Variants in ZNF426 observed in about 807,000 individuals in gnomAD.
ZNF426 encodes zinc finger protein 426, also known as CTC-543D15.7.
In ZNF426, 23 loss-of-function variants were observed where a neutral mutation model predicts 24.0. The observed-to-expected ratio is 0.96, with a 90% CI of 0.69 to 1.36. The LOEUF is 1.36. Ranked by LOEUF, ZNF426 falls within the 40% of genes most tolerant of loss-of-function variation. The pLI, the probability that ZNF426 is intolerant of heterozygous loss-of-function variation, is 0.00. For synonymous variants in ZNF426, 272 were observed against 224.6 expected (o/e 1.21, Z -1.89); for missense variants, 646 against 658.4 (o/e 0.98, Z 0.21).
chr19:9,534,360 C>G (rs2073933427), intron 4 of ZNF426, among the ~76,000 whole-genome samples: 1 of 152,100 alleles, frequency 6.6e-6, no homozygotes. Context: ...CACACGCCAC[C>G]ATGCCCGGCT....
At position 9,527,003 on chromosome 19, in the gene ZNF426, TTG is replaced by T. The variant is rs952325641; in HGVS notation, c.*1375_*1376del. 1.2e-4 allele frequency: 18 copies of T among 152,166 alleles called. No homozygotes were observed. The highest frequency in any genetic ancestry group is 4.3e-4 in the African/African-American group (18 of 41,436). The allele number at this position is 152,166 out of a possible 1,614,324, so 9.4% of individuals were successfully genotyped here. ...AATGTATTAGATTACATATGCTAAT[TTG>T]TGTGTGTTTATAGGCATAAAAGTGA... On this transcript the variant is annotated 3_prime_UTR_variant, in exon 8 of 8. Coordinates refer to ENST00000253115, the MANE Select transcript of ZNF426 (RefSeq NM_024106.3).
chr19:9,532,359 C>G (rs2073899793), intron 6 of ZNF426, among the ~76,000 whole-genome samples: 1 of 143,008 alleles, frequency 7.0e-6, no homozygotes, highest in African/African-American at 2.7e-5. Flanking sequence ...TACAGTGGTG[C>G]AATCACATCT....
At chr19:9,536,119 C>A in intron 3 of ZNF426, 89 bp downstream of exon 3, 2 of 1,565,626 alleles carry the variant, frequency 1.3e-6, no homozygotes, top group South Asian at 1.1e-5. Context: ...AATGAATCAG[C>A]AACATGACCA....
At chr19:9,533,772 G>A (rs1195112139) in intron 5 of ZNF426, 68 bp downstream of exon 5, 2 of 1,597,804 alleles carry the variant, frequency 1.3e-6, no homozygotes, top group African/African-American at 2.7e-5. Flanking sequence ...CATTGCCAAT[G>A]CTGCAAAACA....
In ZNF426 at chr19:9,529,685, C is replaced by T. The variant is rs753738013; in HGVS notation, c.409-49G>A. On this transcript the variant is annotated intron_variant, in intron 7 of 7. Coordinates refer to ENST00000253115, the MANE Select transcript of ZNF426 (RefSeq NM_024106.3). Reference sequence around the variant, plus strand: ...TAAGGATTTTTCTCAAACATATTAACAGAACATACCCATCTGAAGCTAGAA... The same window carrying T: ...TAAGGATTTTTCTCAAACATATTAATAGAACATACCCATCTGAAGCTAGAA... 7 of 1,499,390 alleles carry T rather than the reference C, an allele frequency of 4.7e-6. No homozygotes were observed. The South Asian group carries it at 9.1e-5, about 19-fold the overall frequency. 92.9% of individuals were successfully genotyped at this position (1,499,390 alleles called of 1,614,324 possible).
At chr19:9,530,190 CA>C (rs1419067980) in intron 7 of ZNF426, among the ~76,000 whole-genome samples, 1 of 152,054 alleles carries the variant, frequency 6.6e-6, no homozygotes, top group African/African-American at 2.4e-5. Context: ...CAGTAGCTCA[CA>C]TTTGTAATCC....
At chr19:9,535,889 C>A (rs2073958426) in intron 3 of ZNF426, among the ~76,000 whole-genome samples, 1 of 151,256 alleles carries the variant, frequency 6.6e-6, no homozygotes. Flanking sequence ...TACTACCATA[C>A]AATGCCAGAG....
In ZNF426 at chr19:9,533,973, C is replaced by A; in HGVS notation, c.118-7G>T. On this transcript the variant is annotated splice_polypyrimidine_tract_variant and splice_region_variant and intron_variant, in intron 4 of 7. Transcript: ENST00000253115. ...CGTCAAAGGTCACTGAATCCTAAAG[C>A]ATCACACACATGCTGGTTGGAGCCA... is the stretch of plus-strand genomic sequence containing the variant. The A allele has an allele frequency of 6.2e-7, 1 of 1,611,794 alleles. No individual in the cohort carries two copies. The highest frequency in any genetic ancestry group is 1.7e-4 in the Middle Eastern group (1 of 6,040).
In ZNF426 at chr19:9,523,336, C is replaced by A. The variant is rs930220701; in HGVS notation, c.*5044G>T. ...ATGAGCCTTAAAAGAAGGATCTCCTCCAGGAATCTCTCTTTGCCTTGAAGG... is the reference window on the plus strand; with the variant it reads ...ATGAGCCTTAAAAGAAGGATCTCCTACAGGAATCTCTCTTTGCCTTGAAGG... On this transcript the variant is annotated 3_prime_UTR_variant, in exon 8 of 8. Coordinates refer to ENST00000253115, the MANE Select transcript of ZNF426 (RefSeq NM_024106.3). 11 of 152,126 alleles carry A rather than the reference C, an allele frequency of 7.2e-5. No individual in the cohort carries two copies. Among genetic ancestry groups the A allele is most frequent in the Admixed American group, 2.0e-4 (3 of 15,268 alleles). The allele number at this position is 152,126 out of a possible 1,614,324, so 9.4% of individuals were successfully genotyped here. A position where few individuals can be genotyped will look rare whatever the true frequency, so the allele number is the denominator to read the frequency against.
Position 9,525,612 on chromosome 19 carries a change from A to C in ZNF426, c.*2768T>G, listed in dbSNP as rs185868030. 5 of 150,660 alleles carry C rather than the reference A, an allele frequency of 3.3e-5. No homozygotes were observed. The highest frequency in any genetic ancestry group is 7.4e-5 in the Non-Finnish European group (5 of 67,770). 9.3% of individuals were successfully genotyped at this position (150,660 alleles called of 1,614,324 possible). On this transcript the variant is annotated 3_prime_UTR_variant, in exon 8 of 8. Coordinates refer to ENST00000253115, the MANE Select transcript of ZNF426 (RefSeq NM_024106.3). ...CACCATTCTCCTGCCTCAGCCTCCCAAGTAGCTGGGACTACAGGTGCCCGC... is the reference window on the plus strand; with the variant it reads ...CACCATTCTCCTGCCTCAGCCTCCCCAGTAGCTGGGACTACAGGTGCCCGC...
At chr19:9,531,109 G>A (rs1275715413) in intron 6 of ZNF426, 42 bp from the exon 7 acceptor site, 3 of 1,506,702 alleles carry the variant, frequency 2.0e-6, no homozygotes, top group East Asian at 4.5e-5. Context: ...CTCAAGCTAG[G>A]CACAGTGGCT....
At position 9,523,580 on chromosome 19, in the gene ZNF426, T is replaced by C. The variant is rs1056693430; in HGVS notation, c.*4800A>G. 1.3e-5 allele frequency: 2 copies of C among 152,216 alleles called. No individual in the cohort carries two copies. Among genetic ancestry groups the C allele is most frequent in the African/African-American group, 4.8e-5 (2 of 41,460 alleles). 9.4% of individuals were successfully genotyped at this position (152,216 alleles called of 1,614,324 possible). ...TAATGAGTGGATGGGACATGTGACA[T>C]AATCTAAATCAGTGGTCCCCTAACT... On this transcript the variant is annotated 3_prime_UTR_variant, in exon 8 of 8. Coordinates refer to ENST00000253115, the MANE Select transcript of ZNF426 (RefSeq NM_024106.3).
At position 9,528,437 on chromosome 19, in the gene ZNF426, T is replaced by G; in HGVS notation, c.1608A>C (p.Gln536His). 1 of 1,612,368 alleles carries G rather than the reference T, an allele frequency of 6.2e-7. No individual in the cohort carries two copies. Among genetic ancestry groups the G allele is most frequent in the Non-Finnish European group, 8.5e-7 (1 of 1,179,412 alleles). The change falls in exon 8 of 8, where the codon CAA (glutamine) becomes CAC (histidine). Residue 536 changes from glutamine to histidine, a missense_variant. Coordinates refer to ENST00000253115, the MANE Select transcript of ZNF426 (RefSeq NM_024106.3). ...HTEEKPYKCQ[Q>H]CGKAYSHPRS... Reference sequence around the variant, plus strand: ...GGGGATGACTGTAAGCTTTCCCGCATTGCTGACATTTATAGGGTTTCTCTT... The same window carrying G: ...GGGGATGACTGTAAGCTTTCCCGCAGTGCTGACATTTATAGGGTTTCTCTT...
chr19:9,526,862 G>C lies in ZNF426; in HGVS notation c.*1518C>G, dbSNP rs1222380847. On this transcript the variant is annotated 3_prime_UTR_variant, in exon 8 of 8. Transcript: ENST00000253115. ...GGGGGGAAATGCTTTAAGTATTGAG[G>C]ATCAAGTATAAGAATTACATCCAAC... 1 of 152,040 alleles carries C rather than the reference G, an allele frequency of 6.6e-6. No individual in the cohort carries two copies. Among genetic ancestry groups the C allele is most frequent in the Non-Finnish European group, 1.5e-5 (1 of 68,012 alleles). 9.4% of individuals were successfully genotyped at this position (152,040 alleles called of 1,614,324 possible). A position where few individuals can be genotyped will look rare whatever the true frequency, so the allele number is the denominator to read the frequency against.
chr19:9,537,070 C>G (rs1478368632), intron 2 of ZNF426, among the ~76,000 whole-genome samples: 1 of 151,720 alleles, frequency 6.6e-6, no homozygotes, highest in Non-Finnish European at 1.5e-5. Context: ...ATGGAAGTTG[C>G]AGGGAGCTGA....
chr19:9,532,025 A>G (rs1395327761), intron 6 of ZNF426, among the ~76,000 whole-genome samples: 1 of 152,138 alleles, frequency 6.6e-6, no homozygotes, highest in African/African-American at 2.4e-5. Flanking sequence ...ATTAACTTAA[A>G]GAAATGTTCT....
intron 4 of ZNF426, 51 bp from the exon 5 acceptor site, chr19:9,534,017 G>C (rs114702120): frequency 2.5e-6 from 4 of 1,592,266 alleles, no homozygotes; most frequent in Non-Finnish European, 3.4e-6. Context: ...GCCCATCAGC[G>C]TTCGCTGGAG....
chr19:9,530,882 T>C, intron 7 of ZNF426, 103 bp downstream of exon 7: 1 of 913,142 alleles, frequency 1.1e-6, no homozygotes, highest in South Asian at 1.4e-5. Context: ...CTCATGTGTA[T>C]GCAACTTCTC....
chr19:9,530,807 G>T (rs1195388947), intron 7 of ZNF426, among the ~76,000 whole-genome samples, 178 bp downstream of exon 7: 1 of 152,114 alleles, frequency 6.6e-6, no homozygotes, highest in Non-Finnish European at 1.5e-5. Context: ...ACACTTGTGG[G>T]AATGTGTGAA....
Sources: gnomAD v4.1 joint callset for allele counts (sites outside exome capture counted in the v4.1 genomes callset) on GRCh38, gnomAD v4.1.1 for gene constraint, MANE v1.5 for transcripts, NCBI Gene and HGNC (gene_info 2026-07-23, HGNC 2026-07-21) for gene names.